Variants in MTHFD1 observed in about 807,000 individuals in gnomAD.
MTHFD1 encodes methylenetetrahydrofolate dehydrogenase, cyclohydrolase and formyltetrahydrofolate synthetase 1, also known as C-1-tetrahydrofolate synthase, cytoplasmic.
Under a neutral mutation model 110.3 loss-of-function variants are expected in MTHFD1, and 44 were observed. The observed-to-expected ratio is 0.40, with a 90% confidence interval of 0.31 to 0.51. The LOEUF (loss-of-function observed/expected upper bound fraction) is 0.51, where lower values mean the gene tolerates loss of function less well. Among genes scored for constraint, MTHFD1 ranks in the 20% least tolerant of loss-of-function variants. The pLI, the probability that MTHFD1 is intolerant of heterozygous loss-of-function variation, is 0.60. For synonymous variants in MTHFD1, 402 were observed against 428.8 expected, an observed-to-expected ratio of 0.94 and a Z score of 0.77; for missense variants, 909 against 1,173.1, an observed-to-expected ratio of 0.77 and a Z score of 3.29.
intron 26 of MTHFD1, among the ~76,000 whole-genome samples, chr14:64,456,410 T>C (rs1398187936): frequency 6.6e-6 from 1 of 152,224 alleles, no homozygotes; most frequent in Admixed American, 6.5e-5. Context: ...TTTCAGAACT[T>C]TATATCTAGG....
At chr14:64,411,901 A>G (rs2077988391) in intron 3 of MTHFD1, among the ~76,000 whole-genome samples, 1 of 152,056 alleles carries the variant, frequency 6.6e-6, no homozygotes, top group Admixed American at 6.6e-5. Flanking sequence ...AGCTCCAACC[A>G]GAAAAAAAAA....
Position 64,400,849 on chromosome 14 carries a change from G to C in MTHFD1, c.98G>C (p.Gly33Ala). 6.2e-7 allele frequency: 1 copy of C among 1,613,298 alleles called. No homozygotes were observed. Among genetic ancestry groups the C allele is most frequent in the Non-Finnish European group, 8.5e-7 (1 of 1,179,364 alleles). ...QVTQLKEQVP[G>A]FTPRLAILQV... ...ACTCAGTTGAAGGAGCAAGTACCTG[G>C]TTTCACACCACGCCTGGCAATATTA... The change falls in exon 2 of 28, where the codon GGT (glycine) becomes GCT (alanine). Residue 33 changes from glycine to alanine, a missense_variant. Gly to Ala is a moderately conservative substitution (Grantham distance 60, BLOSUM62 0). Transcript: ENST00000652337.
Position 64,388,562 on chromosome 14 carries a change from C to T in MTHFD1, c.41+94C>T. The T allele has an allele frequency of 2.6e-6, 3 of 1,149,832 alleles. No homozygotes were observed. In the South Asian group the frequency reaches 3.7e-5, roughly 14 times the overall value. 71.2% of individuals were successfully genotyped at this position (1,149,832 alleles called of 1,614,324 possible). A position where few individuals can be genotyped will look rare whatever the true frequency, so the allele number is the denominator to read the frequency against. On this transcript the variant is annotated intron_variant, in intron 1 of 27. Transcript: ENST00000652337. ...GGACCCATTTTTTGCGGGAGGGACACTTGTAGCGGAAGAGTTAGGCCCATA... is the reference window on the plus strand; with the variant it reads ...GGACCCATTTTTTGCGGGAGGGACATTTGTAGCGGAAGAGTTAGGCCCATA...
At chr14:64,409,865 AAGCTC>A (rs1566558392) in intron 2 of MTHFD1, among the ~76,000 whole-genome samples, 1 of 152,138 alleles carries the variant, frequency 6.6e-6, no homozygotes, top group East Asian at 1.9e-4. Context: ...CCAATATGAC[AAGCTC>A]AGAAAATCCT....
At chr14:64,406,117 C>T (rs2077934214) in intron 2 of MTHFD1, among the ~76,000 whole-genome samples, 1 of 151,410 alleles carries the variant, frequency 6.6e-6, no homozygotes, top group Admixed American at 6.6e-5. Flanking sequence ...CGGCGCACTG[C>T]AACCTCCACC....
chr14:64,452,545 GAGGCCC>G (rs2078390985), intron 24 of MTHFD1, among the ~76,000 whole-genome samples: 1 of 152,194 alleles, frequency 6.6e-6, no homozygotes, highest in African/African-American at 2.4e-5. Context: ...CCATGGGACT[GAGGCCC>G]TCACCAGTTA....
At chr14:64,420,356 TG>T (rs1399849899) in intron 8 of MTHFD1, among the ~76,000 whole-genome samples, 1 of 152,172 alleles carries the variant, frequency 6.6e-6, no homozygotes, top group Non-Finnish European at 1.5e-5. Flanking sequence ...ATATTTGACC[TG>T]GGTTTTTTTC....
At position 64,448,545 on chromosome 14, in the gene MTHFD1, C is replaced by T. The variant is rs2078315672; in HGVS notation, c.2279+228C>T. ...CTCCTATGGGCCCTTTTCCTTTCCA[C>T]TGGGGGAAGTAACACACAAGCCTGA... On this transcript the variant is annotated intron_variant, in intron 23 of 27. Transcript: ENST00000652337. 11 of 556,014 alleles carry T rather than the reference C, an allele frequency of 2.0e-5. No homozygotes were observed. In the South Asian group the frequency reaches 2.2e-4, roughly 11 times the overall value. The allele number at this position is 556,014 out of a possible 1,614,324, so 34.4% of individuals were successfully genotyped here.
intron 7 of MTHFD1, among the ~76,000 whole-genome samples, 177 bp from the exon 8 acceptor site, chr14:64,419,637 G>A (rs2078053738): frequency 6.6e-6 from 1 of 152,206 alleles, no homozygotes; most frequent in Non-Finnish European, 1.5e-5. Flanking sequence ...GGCATGTGAA[G>A]GGCTGTCAGA....
chr14:64,414,414 C>G (rs974697758), intron 4 of MTHFD1, among the ~76,000 whole-genome samples: 2 of 151,136 alleles, frequency 1.3e-5, no homozygotes, highest in South Asian at 4.2e-4. Context: ...GCCTCAGCCT[C>G]CTGAGAGGCT....
chr14:64,412,827 G>A (rs192031035), intron 4 of MTHFD1, among the ~76,000 whole-genome samples: 12 of 151,484 alleles, frequency 7.9e-5, no homozygotes, highest in Admixed American at 2.6e-4. Flanking sequence ...TAATAGAGAC[G>A]CGGTTTCACC....
chr14:64,401,157 T>C (rs2077893273), intron 2 of MTHFD1, among the ~76,000 whole-genome samples: 1 of 152,034 alleles, frequency 6.6e-6, no homozygotes, highest in Non-Finnish European at 1.5e-5. Flanking sequence ...TAATTTAATG[T>C]ATTTATTTAT....
At position 64,417,535 on chromosome 14, in the gene MTHFD1, T is replaced by C. The variant is rs1246311594; in HGVS notation, c.479-353T>C. 6.6e-6 allele frequency among the ~76,000 whole-genome samples: 1 copy of C among 152,230 alleles called. No individual in the cohort carries two copies. The highest frequency in any genetic ancestry group is 6.5e-5 in the Admixed American group (1 of 15,284). Reference sequence around the variant, plus strand: ...ACACCCTATTTGTTTTAACTTTTTTTCCCCATGTAATTTAATCTGATGTCT... The same window carrying C: ...ACACCCTATTTGTTTTAACTTTTTTCCCCCATGTAATTTAATCTGATGTCT... On this transcript the variant is annotated intron_variant, in intron 6 of 27. Coordinates refer to ENST00000652337, the MANE Select transcript of MTHFD1 (RefSeq NM_005956.4). This position sits in a 1 kb window ranked among gnomAD's most constrained non-coding sequence, Gnocchi z 4.4.
At chr14:64,397,156 T>A (rs867872841) in intron 1 of MTHFD1, among the ~76,000 whole-genome samples, 14 of 5,806 alleles carry the variant, frequency 2.4e-3, no homozygotes, top group Non-Finnish European at 4.2e-3. Flanking sequence ...TATATATATA[T>A]ATATATATAT....
At chr14:64,388,720 C>G in intron 1 of MTHFD1, 1 of 585,894 alleles carries the variant, frequency 1.7e-6, no homozygotes, top group Non-Finnish European at 3.0e-6. Context: ...CTCCCAAACG[C>G]GCAGCTGCTG....
At chr14:64,441,117 G>T (rs2078243585) in intron 18 of MTHFD1, 12 of 414,530 alleles carry the variant, frequency 2.9e-5, no homozygotes, top group South Asian at 2.5e-4. Context: ...GCGTGAACCT[G>T]GGAGGTGGAG....
chr14:64,453,827 A>G lies in MTHFD1; in HGVS notation c.2531A>G (p.Glu844Gly), dbSNP rs772462159. Residue 844 changes from glutamate to glycine, a missense_variant, in exon 25 of 28, where the codon GAA becomes GGA. Transcript: ENST00000652337. ...YGADDIELLP[E>G]AQHKAEVYTK... ...GCAGATGACATTGAATTACTTCCCG[A>G]AGCTCAACACAAAGCTGAAGTCTAC... is the stretch of plus-strand genomic sequence containing the variant. The G allele has an allele frequency of 6.2e-7, 1 of 1,612,288 alleles. No homozygotes were observed. Among genetic ancestry groups the G allele is most frequent in the East Asian group, 2.2e-5 (1 of 44,850 alleles).
At position 64,405,353 on chromosome 14, in the gene MTHFD1, T is replaced by C. The variant is rs142224670; in HGVS notation, c.126+4476T>C. 5.3e-3 allele frequency among the ~76,000 whole-genome samples: 812 copies of C among 152,362 alleles called. 8 individuals are homozygous for C. The highest frequency in any genetic ancestry group is 0.018 in the African/African-American group (765 of 41,592). The stretch of plus-strand genomic sequence containing the variant: ...ACAAATGTTTTTATTACATAAACAC[T>C]GTTCTACAGCTCGTCTCCTACGTCC... On this transcript the variant is annotated intron_variant, in intron 2 of 27. Transcript: ENST00000652337.
intron 15 of MTHFD1, among the ~76,000 whole-genome samples, chr14:64,432,902 A>C (rs2078171242): frequency 6.6e-6 from 1 of 152,082 alleles, no homozygotes; most frequent in Non-Finnish European, 1.5e-5. Flanking sequence ...CTATAGGTAC[A>C]CACACCACCA....
Sources: allele counts gnomAD v4.1 joint callset (sites outside exome capture counted in the v4.1 genomes callset), GRCh38; gene constraint gnomAD v4.1.1; non-coding constraint Gnocchi (gnomAD v3.1); transcripts MANE v1.5; gene names NCBI Gene and HGNC (gene_info 2026-07-23, HGNC 2026-07-21).